Variants in UST observed in about 807,000 individuals in gnomAD.
UST encodes chondroitin sulfate 2-O-sulfotransferase.
In UST, 21 loss-of-function variants were observed where a neutral mutation model predicts 45.6. The observed-to-expected ratio is 0.46, with a 90% CI of 0.33 to 0.66. The LOEUF (loss-of-function observed/expected upper bound fraction) is 0.66, where lower values mean the gene tolerates loss of function less well. Among genes scored for constraint, UST ranks in the 30% least tolerant of loss-of-function variants. The pLI is 0.02. For missense variants in UST, 463 were observed against 512.4 expected, an observed-to-expected ratio of 0.90 and a Z score of 0.93; for synonymous variants, 215 against 200.6, an observed-to-expected ratio of 1.07 and a Z score of -0.61.
intron 7 of UST, chr6:149,027,552 T>C (rs1239036788): frequency 6.6e-6 from 1 of 152,200 alleles, no homozygotes; most frequent in Non-Finnish European, 1.5e-5. Flanking sequence ...CTCAAAAATA[T>C]TCCTAGGCAG....
chr6:148,971,213 G>A (rs1427850569), intron 5 of UST, among the ~76,000 whole-genome samples: 1 of 106,324 alleles, frequency 9.4e-6, no homozygotes, highest in Non-Finnish European at 2.0e-5. Context: ...AAAACTAAGT[G>A]GCCAGTCATA....
intron 1 of UST, among the ~76,000 whole-genome samples, chr6:148,864,938 G>A (rs1232611494): frequency 6.6e-6 from 1 of 152,188 alleles, no homozygotes; most frequent in African/African-American, 2.4e-5. Flanking sequence ...AAAATGTGGT[G>A]TGCATTATTT....
chr6:148,780,541 T>C (rs953857758), intron 1 of UST, among the ~76,000 whole-genome samples: 2 of 152,214 alleles, frequency 1.3e-5, no homozygotes, highest in African/African-American at 4.8e-5. Flanking sequence ...ATGTGGTATT[T>C]GGTTTTCTGT....
intron 1 of UST, among the ~76,000 whole-genome samples, chr6:148,820,842 G>C (rs1462307283): frequency 3.1e-5 from 4 of 127,418 alleles, no homozygotes; most frequent in Non-Finnish European, 6.3e-5. Context: ...AACAGAGCGA[G>C]ACTCCATCTC....
chr6:148,901,656 C>T (rs1429649762), intron 2 of UST, among the ~76,000 whole-genome samples: 1 of 151,064 alleles, frequency 6.6e-6, no homozygotes, highest in Non-Finnish European at 1.5e-5. Context: ...CTCCCGGGTT[C>T]AAATGATTCT....
intron 1 of UST, among the ~76,000 whole-genome samples, chr6:148,867,635 A>T (rs1428445477): frequency 6.6e-6 from 1 of 151,996 alleles, no homozygotes; most frequent in Non-Finnish European, 1.5e-5. Flanking sequence ...GATAAGGGGA[A>T]ACCCCTTTCG....
chr6:148,858,001 A>G (rs146891777), intron 1 of UST, among the ~76,000 whole-genome samples: 7 of 152,330 alleles, frequency 4.6e-5, no homozygotes, highest in African/African-American at 1.4e-4. Flanking sequence ...GTTTACTTGT[A>G]GCAACATTAT....
At chr6:149,025,432 A>G (rs1010197604) in intron 7 of UST, among the ~76,000 whole-genome samples, 1 of 152,178 alleles carries the variant, frequency 6.6e-6, no homozygotes, top group African/African-American at 2.4e-5. Flanking sequence ...TTTTAGCAAG[A>G]TGGATAACCA....
At chr6:148,858,715 T>G in intron 1 of UST, among the ~76,000 whole-genome samples, 1 of 152,186 alleles carries the variant, frequency 6.6e-6, no homozygotes, top group East Asian at 1.9e-4. Context: ...TTCTCATTGT[T>G]CAGTTCCCAC....
At chr6:148,984,376 T>C (rs1781198777) in intron 5 of UST, among the ~76,000 whole-genome samples, 1 of 152,030 alleles carries the variant, frequency 6.6e-6, no homozygotes, top group Non-Finnish European at 1.5e-5. Context: ...CTCATATGGA[T>C]GAGAACAGGG....
chr6:148,869,906 G>A (rs546457832), intron 1 of UST, among the ~76,000 whole-genome samples: 5 of 152,114 alleles, frequency 3.3e-5, no homozygotes, highest in Non-Finnish European at 7.4e-5. Context: ...CATCAAACAG[G>A]AGGCAGAGCT....
chr6:149,027,742 A>G (rs1776069529), intron 7 of UST: 1 of 151,892 alleles, frequency 6.6e-6, no homozygotes, highest in African/African-American at 2.4e-5. Flanking sequence ...TCTGGTCACA[A>G]TTTCCATCCC....
intron 5 of UST, among the ~76,000 whole-genome samples, chr6:148,968,570 C>G (rs752087128): frequency 1.3e-5 from 2 of 152,330 alleles, no homozygotes; most frequent in Middle Eastern, 6.8e-3. Flanking sequence ...CATGTCCAGC[C>G]TCCTTTATTT....
rs1780737969 is a variant in UST at position 148,964,424 on chromosome 6, A to T, written c.542A>T (p.Gln181Leu). The change falls in exon 5 of 8, where the codon CAG becomes CTG. Residue 181 changes from glutamine to leucine, a missense_variant. By Grantham distance (113) the Gln-to-Leu change is moderately radical (BLOSUM62 -2). Coordinates refer to ENST00000367463, the MANE Select transcript of UST (RefSeq NM_005715.3). The part of the protein sequence containing the change: ...FLNFSRFGGD[Q>L]PVYINIIRDP... ...GTTTGTGTTAGGTTTGGAGGAGACCAGCCTGTCTACATCAACATCATTAGA... is the reference window on the plus strand; with the variant it reads ...GTTTGTGTTAGGTTTGGAGGAGACCTGCCTGTCTACATCAACATCATTAGA... The T allele has an allele frequency of 6.2e-7, 1 of 1,614,198 alleles. No individual in the cohort carries two copies. Among genetic ancestry groups the T allele is most frequent in the Non-Finnish European group, 8.5e-7 (1 of 1,180,030 alleles).
chr6:148,973,869 C>T (rs573079333), intron 5 of UST, among the ~76,000 whole-genome samples: 3 of 152,192 alleles, frequency 2.0e-5, no homozygotes, highest in Admixed American at 1.3e-4. Flanking sequence ...ATTCTAATTG[C>T]GAGTACTTAT....
Position 148,747,528 on chromosome 6 carries a change from G to T in UST, c.98G>T (p.Arg33Leu). 1 of 1,548,002 alleles carries T rather than the reference G, an allele frequency of 6.5e-7. No individual in the cohort carries two copies. Residue 33 changes from arginine to leucine, a missense_variant, in exon 1 of 8, where the codon CGT becomes CTT. Arg to Leu is a moderately radical substitution (Grantham distance 102). Around this residue, in one of 2 missense-constraint regions of UST, gnomAD observed 176 missense variants for 138.3 expected, o/e 1.27. Transcript: ENST00000367463. ...CCTCCGGGCCTGGGCAGCTGGAAGC[G>T]TCGGGTGCCCCTGCTGCCTTTCCTG... is the stretch of plus-strand genomic sequence containing the variant. Reference protein sequence around the residue: ...GAPPGLGSWKRRVPLLPFLRF... With the variant: ...GAPPGLGSWKLRVPLLPFLRF...
At chr6:148,984,070 C>A (rs1207792802) in intron 5 of UST, among the ~76,000 whole-genome samples, 1 of 152,190 alleles carries the variant, frequency 6.6e-6, no homozygotes, top group Non-Finnish European at 1.5e-5. Flanking sequence ...TTTTCAGGAA[C>A]CTACCCATCT....
Position 149,027,618 on chromosome 6 carries a change from C to T in UST, c.937+6137C>T, listed in dbSNP as rs1309357774. Reference sequence around the variant, plus strand: ...GTTGTGGGGGTGGTCTCCACCTCTTCGTGTCCTCTAGGACAGGATGAAATC... The same window carrying T: ...GTTGTGGGGGTGGTCTCCACCTCTTTGTGTCCTCTAGGACAGGATGAAATC... On this transcript the variant is annotated intron_variant, in intron 7 of 7. Coordinates refer to ENST00000367463, the MANE Select transcript of UST (RefSeq NM_005715.3). 4 of 152,184 alleles carry T rather than the reference C, an allele frequency of 2.6e-5. No individual in the cohort carries two copies. The East Asian group carries it at 5.8e-4, about 22-fold the overall frequency. 9.4% of individuals were successfully genotyped at this position (152,184 alleles called of 1,614,324 possible).
At chr6:148,837,687 CT>C (rs572104396) in intron 1 of UST, among the ~76,000 whole-genome samples, 186 of 140,970 alleles carry the variant, frequency 1.3e-3, no homozygotes, top group Middle Eastern at 3.8e-3. Context: ...CAAGGTCCCT[CT>C]TTTTTTTTTT....
Sources: gnomAD v4.1 joint callset for allele counts (sites outside exome capture counted in the v4.1 genomes callset) on GRCh38, gnomAD v4.1.1 for gene constraint, gnomAD v4.1.1 regional missense constraint, MANE v1.5 for transcripts, NCBI Gene and HGNC (gene_info 2026-07-23, HGNC 2026-07-21) for gene names.